The following ZC4H2 variants were observed in gnomAD, a reference collection of about 807,000 sequenced individuals.
ZC4H2 encodes zinc finger C4H2 domain-containing protein.
For synonymous variants in ZC4H2, 84 were observed against 66.3 expected (o/e 1.27, Z -1.30); for missense variants, 137 against 173.9 (o/e 0.79, Z 1.19).
intron 1 of ZC4H2, among the ~76,000 whole-genome samples, chrX:65,016,058 C>T (rs1257880989): frequency 8.9e-6 from 1 of 112,063 alleles, no homozygotes; most frequent in Admixed American, 9.5e-5. Context: ...TTATATTTAG[C>T]AAATTTATTT....
At chrX:64,949,890 C>G (rs1001622429) in intron 1 of ZC4H2, among the ~76,000 whole-genome samples, 9 of 111,465 alleles carry the variant, frequency 8.1e-5, no homozygotes, top group Non-Finnish European at 1.7e-4. Context: ...CTTCTGCTAG[C>G]TTTTGAATGT....
chrX:65,028,652 CT>C (rs1304903147), intron 1 of ZC4H2, among the ~76,000 whole-genome samples: 1 of 110,385 alleles, frequency 9.1e-6, no homozygotes, highest in Non-Finnish European at 1.9e-5. Context: ...AGGCCTCAGC[CT>C]CCTGAATAGT....
intron 1 of ZC4H2, among the ~76,000 whole-genome samples, chrX:64,968,652 G>A (rs745926256): frequency 9.0e-6 from 1 of 111,436 alleles, no homozygotes; most frequent in Non-Finnish European, 1.9e-5. Context: ...AGAGGCTAAA[G>A]CACAGCTAGT....
intron 1 of ZC4H2, among the ~76,000 whole-genome samples, chrX:65,003,015 C>T (rs1389903584): frequency 9.3e-6 from 1 of 107,743 alleles, no homozygotes; most frequent in East Asian, 2.9e-4. Context: ...TATGACCCTG[C>T]CAAATCCCCC....
chrX:64,931,063 C>T (rs1929719131), intron 1 of ZC4H2, among the ~76,000 whole-genome samples: 1 of 111,687 alleles, frequency 9.0e-6, no homozygotes, highest in African/African-American at 3.3e-5. Context: ...TTCAGGGTTT[C>T]TGTTTCTTCC....
At chrX:64,935,673 C>T (rs1929970960) in intron 1 of ZC4H2, among the ~76,000 whole-genome samples, 1 of 111,996 alleles carries the variant, frequency 8.9e-6, no homozygotes, top group African/African-American at 3.2e-5. Flanking sequence ...TGGTGATACC[C>T]AGGCAAACAG....
intron 1 of ZC4H2, among the ~76,000 whole-genome samples, chrX:65,001,742 A>T (rs1332353145): frequency 8.9e-6 from 1 of 112,060 alleles, no homozygotes; most frequent in East Asian, 2.8e-4. Context: ...AAAGAGATGG[A>T]GGAATATTTA....
intron 1 of ZC4H2, among the ~76,000 whole-genome samples, chrX:64,928,644 T>TCTTCTTCTA (rs955734044): frequency 7.6e-5 from 7 of 91,943 alleles, no homozygotes; most frequent in African/African-American, 2.7e-4. Flanking sequence ...TTCTTCTTCT[T>TCTTCTTCTA]CTTCTTCTTC....
At chrX:65,009,444 A>G (rs1932723416) in intron 1 of ZC4H2, among the ~76,000 whole-genome samples, 1 of 111,813 alleles carries the variant, frequency 8.9e-6, no homozygotes, top group Non-Finnish European at 1.9e-5. Context: ...AGGTGGGGAG[A>G]CAGATTCGTG....
chrX:65,034,274 G>T, intron 1 of ZC4H2, among the ~76,000 whole-genome samples: 1 of 110,768 alleles, frequency 9.0e-6, no homozygotes, highest in Non-Finnish European at 1.9e-5. Context: ...TAAAGGCAAA[G>T]AAACCAGAGA....
chrX:64,979,146 A>C (rs1418426826), upstream of ZC4H2, among the ~76,000 whole-genome samples: 1 of 112,062 alleles, frequency 8.9e-6, no homozygotes, highest in Non-Finnish European at 1.9e-5. Flanking sequence ...GACTTGTCTG[A>C]CATCACCCTA....
intron 2 of ZC4H2, 121 bp from the exon 3 acceptor site, chrX:64,920,374 T>C: frequency 1.4e-6 from 1 of 727,110 alleles, no homozygotes; most frequent in Non-Finnish European, 2.0e-6. Flanking sequence ...AAGTCCTTGA[T>C]CTCCCATGCC....
At chrX:64,932,983 A>AG (rs1221302239) in intron 1 of ZC4H2, among the ~76,000 whole-genome samples, 2 of 111,556 alleles carry the variant, frequency 1.8e-5, no homozygotes, top group African/African-American at 3.3e-5. Context: ...GTTCTTTCTT[A>AG]GAATCACCAC....
intron 1 of ZC4H2, among the ~76,000 whole-genome samples, chrX:64,940,351 A>T (rs1254942401): frequency 1.8e-5 from 2 of 111,247 alleles, no homozygotes; most frequent in Non-Finnish European, 3.8e-5. Context: ...CCCATTCTGT[A>T]GGTTGCCTGT....
At chrX:64,920,805 T>C (rs1463566003) in intron 2 of ZC4H2, among the ~76,000 whole-genome samples, 1 of 112,549 alleles carries the variant, frequency 8.9e-6, no homozygotes, top group East Asian at 2.8e-4. Flanking sequence ...ATGCATATTC[T>C]TAGGTTCACC....
At chrX:64,951,388 A>G (rs1338902024) in intron 1 of ZC4H2, among the ~76,000 whole-genome samples, 1 of 111,723 alleles carries the variant, frequency 9.0e-6, no homozygotes, top group Non-Finnish European at 1.9e-5. Flanking sequence ...TGACTTCCAC[A>G]ACGGTTGAAC....
intron 1 of ZC4H2, among the ~76,000 whole-genome samples, chrX:64,937,109 T>C (rs1197286960): frequency 1.9e-5 from 2 of 106,777 alleles, no homozygotes; most frequent in Non-Finnish European, 3.8e-5. Context: ...AAAAAAAAGC[T>C]GGGGTTGCAA....
chrX:64,988,555 A>G (rs1423087629), intron 1 of ZC4H2, among the ~76,000 whole-genome samples: 1 of 110,098 alleles, frequency 9.1e-6, no homozygotes, highest in Non-Finnish European at 1.9e-5. Flanking sequence ...GTCTGTTCAT[A>G]TCCTTCGCCC....
At chrX:65,032,732 T>TC (rs1461208533) in intron 1 of ZC4H2, among the ~76,000 whole-genome samples, 7 of 95,140 alleles carry the variant, frequency 7.4e-5, no homozygotes, top group African/African-American at 1.6e-4. Context: ...GTTTCTTCTT[T>TC]CTTTCCTTCC....
Sources: gnomAD v4.1 joint callset for allele counts (sites outside exome capture counted in the v4.1 genomes callset) on GRCh38, gnomAD v4.1.1 for gene constraint, MANE v1.5 for transcripts, NCBI Gene and HGNC (gene_info 2026-07-23, HGNC 2026-07-21) for gene names.